CREB5: variants seen among roughly 807,000 people sequenced by gnomAD.
CREB5 encodes the protein cyclic AMP-responsive element-binding protein 5.
Under a neutral mutation model 57.1 loss-of-function variants are expected in CREB5, and 19 were observed. The observed-to-expected ratio is 0.33, with a 90% CI of 0.23 to 0.49. CREB5 has a LOEUF of 0.49. Ranked by LOEUF, CREB5 falls within the 20% of genes least tolerant of loss-of-function variation. The pLI, the probability that CREB5 is intolerant of heterozygous loss-of-function variation, is 0.99. For missense variants in CREB5, 579 were observed against 671.6 expected (o/e 0.86, Z 1.52); for synonymous variants, 238 against 238.3 (o/e 1.00, Z 0.01).
In CREB5 at chr7:28,825,494, A is replaced by C. The variant is rs1810010336; in HGVS notation, c.*6215A>C. 1.3e-5 allele frequency: 2 copies of C among 152,662 alleles called. No individual in the cohort carries two copies. The highest frequency in any genetic ancestry group is 1.9e-4 in the East Asian group (1 of 5,204). The allele number at this position is 152,662 out of a possible 1,614,324, so 9.5% of individuals were successfully genotyped here. On this transcript the variant is annotated 3_prime_UTR_variant, in exon 11 of 11. Transcript: ENST00000357727. ...TCCAAAAATATAATTAAAAGAAAAA[A>C]GTTTAGCACTGTGTAAAGTAAGTGT...
chr7:28,475,748 C>G (rs1791044172), intron 1 of CREB5, among the ~76,000 whole-genome samples: 1 of 152,088 alleles, frequency 6.6e-6, no homozygotes, highest in South Asian at 2.1e-4. Flanking sequence ...GGCTGGGGTT[C>G]AGATTGCAGG....
intron 4 of CREB5, among the ~76,000 whole-genome samples, chr7:28,555,016 C>T (rs754090136): frequency 2.0e-5 from 3 of 152,032 alleles, no homozygotes; most frequent in Non-Finnish European, 2.9e-5. Context: ...AGTGTTCCTC[C>T]CCTCTCCTCC....
intron 1 of CREB5, among the ~76,000 whole-genome samples, chr7:28,310,110 G>C (rs929991926): frequency 2.0e-5 from 3 of 152,170 alleles, no homozygotes; most frequent in African/African-American, 7.2e-5. Context: ...CGCCCAAAGT[G>C]CAGTATGAGG....
intron 5 of CREB5, among the ~76,000 whole-genome samples, chr7:28,606,183 T>C (rs1313370964): frequency 6.6e-6 from 1 of 152,144 alleles, no homozygotes; most frequent in Non-Finnish European, 1.5e-5. Flanking sequence ...TTTCATAAGA[T>C]TAAAATGTCC....
intron 7 of CREB5, among the ~76,000 whole-genome samples, chr7:28,767,091 C>G (rs934806732): frequency 2.0e-5 from 3 of 152,158 alleles, no homozygotes; most frequent in African/African-American, 7.2e-5. Flanking sequence ...GGGGAAAAAT[C>G]CTAGAAGGAG....
At chr7:28,396,294 A>G (rs370130063) in intron 1 of CREB5, among the ~76,000 whole-genome samples, 3 of 152,228 alleles carry the variant, frequency 2.0e-5, no homozygotes, top group African/African-American at 7.2e-5. Flanking sequence ...TGGGATGGAA[A>G]TATACATATG....
chr7:28,785,041 T>C (rs1807233674), intron 7 of CREB5, among the ~76,000 whole-genome samples: 2 of 152,218 alleles, frequency 1.3e-5, no homozygotes, highest in African/African-American at 4.8e-5. Context: ...TCATGCAACC[T>C]ATTAATAGTC....
At chr7:28,747,848 C>T (rs1804767987) in intron 7 of CREB5, among the ~76,000 whole-genome samples, 1 of 152,220 alleles carries the variant, frequency 6.6e-6, no homozygotes, top group Admixed American at 6.5e-5. Context: ...TGCCCTTTAA[C>T]TTGTTAAGGG....
chr7:28,302,392 A>G lies in CREB5; in HGVS notation c.-25+2951A>G, dbSNP rs78381323. Among the ~76,000 whole-genome samples, 999 of 152,342 alleles carry G rather than the reference A, an allele frequency of 6.6e-3. 8 individuals are homozygous for G. The highest frequency in any genetic ancestry group is 0.011 in the Non-Finnish European group (719 of 68,030). On this transcript the variant is annotated intron_variant, in intron 1 of 9. Coordinates refer to the CREB5 transcript ENST00000396299. ...AGTTCAAATGATTCACACATGTTAA[A>G]GCTGAAATTGACAATGGACTTTAAT...
rs977094209 is a variant in CREB5, at chr7:28,612,773, C to T, written c.464+42236C>T. 3.3e-5 allele frequency among the ~76,000 whole-genome samples: 5 copies of T among 152,164 alleles called. No individual in the cohort carries two copies. The East Asian group carries it at 9.6e-4, about 29-fold the overall frequency. On this transcript the variant is annotated intron_variant, in intron 5 of 10. Transcript: ENST00000357727. ...GTAATAAATTTCGTGTCAGAAATTACCTGTCAGTAGGATTATGTTAAATAA... is the reference window on the plus strand; with the variant it reads ...GTAATAAATTTCGTGTCAGAAATTATCTGTCAGTAGGATTATGTTAAATAA...
chr7:28,811,858 A>G (rs1392655003), intron 9 of CREB5, among the ~76,000 whole-genome samples: 1 of 152,218 alleles, frequency 6.6e-6, no homozygotes, highest in Admixed American at 6.5e-5. Context: ...ATATTACCGC[A>G]GTGGTTCTGC....
intron 4 of CREB5, among the ~76,000 whole-genome samples, chr7:28,538,072 GAGAC>G (rs1055542738): frequency 6.6e-6 from 1 of 151,184 alleles, no homozygotes; most frequent in African/African-American, 2.4e-5. Context: ...ATTTTTGTTT[GAGAC>G]AGAGTCTCCC....
rs200802104 is a variant in CREB5, at chr7:28,677,918, GAGAA to G, written c.465-40828_465-40825del. ...AATGAAAGAAAGAGAGAAAGAGAGA[GAGAA>G]AGAAAGGGCACTGGGATTGGCCCAG... On this transcript the variant is annotated intron_variant, in intron 5 of 10. Transcript: ENST00000357727. Among the ~76,000 whole-genome samples the G allele has an allele frequency of 6.7e-3, 1,020 of 152,042 alleles. 9 individuals are homozygous for G. The highest frequency in any genetic ancestry group is 0.023 in the African/African-American group (955 of 41,468).
chr7:28,590,257 A>C (rs992214992), intron 5 of CREB5, among the ~76,000 whole-genome samples: 4 of 152,144 alleles, frequency 2.6e-5, no homozygotes, highest in Admixed American at 2.6e-4. Context: ...TATTCACAAC[A>C]GCAAAGACTT....
intron 1 of CREB5, among the ~76,000 whole-genome samples, chr7:28,455,371 A>G (rs1287679357): frequency 6.6e-6 from 1 of 152,218 alleles, no homozygotes; most frequent in African/African-American, 2.4e-5. Context: ...GGAGGCTCAG[A>G]AATTTCCTCA....
rs369500724 is a variant in CREB5, at chr7:28,445,651, A to C, written c.3+32734A>C. 1.3e-3 allele frequency among the ~76,000 whole-genome samples: 204 copies of C among 151,650 alleles called. 1 individual carries two copies. Among genetic ancestry groups the C allele is most frequent in the Middle Eastern group, 6.8e-3 (2 of 294 alleles). ...ACTGCAAGCTCCGCCTCCCAGGTTC[A>C]CGCCATTCTCCTGCCTCAGCCTCCC... is the stretch of plus-strand genomic sequence containing the variant. On this transcript the variant is annotated intron_variant, in intron 1 of 10. Transcript: ENST00000357727.
chr7:28,717,086 C>CTT (rs5883165), intron 5 of CREB5, among the ~76,000 whole-genome samples: 14,462 of 109,658 alleles, frequency 0.13, 1,590 homozygotes, highest in Middle Eastern at 0.19. Flanking sequence ...GCTTTATATT[C>CTT]TTTTTTTTTT....
intron 5 of CREB5, among the ~76,000 whole-genome samples, chr7:28,645,238 A>G (rs1473326904): frequency 6.6e-6 from 1 of 152,188 alleles, no homozygotes; most frequent in Non-Finnish European, 1.5e-5. Flanking sequence ...CCTTTATATG[A>G]TAATTACTAT....
At position 28,325,178 on chromosome 7, in the gene CREB5, C is replaced by T. The variant is rs189861430; in HGVS notation, c.-25+25737C>T. Among the ~76,000 whole-genome samples the T allele has an allele frequency of 1.5e-3, 222 of 152,290 alleles. 1 individual carries two copies. Among genetic ancestry groups the T allele is most frequent in the African/African-American group, 5.1e-3 (213 of 41,564 alleles). On this transcript the variant is annotated intron_variant, in intron 1 of 9. Transcript: ENST00000396299. ...GATGTTTAAAAAATGTAAATCAGGC[C>T]GGGCGCAGTGGCTCACGCCTATAAT...
Sources: allele counts gnomAD v4.1 joint callset (sites outside exome capture counted in the v4.1 genomes callset), GRCh38; gene constraint gnomAD v4.1.1; transcripts MANE v1.5; gene names NCBI Gene and HGNC (gene_info 2026-07-23, HGNC 2026-07-21).